Variants in NIN observed in about 807,000 individuals in gnomAD.
NIN encodes the protein glycogen synthase kinase 3 beta-interacting protein.
Under a neutral mutation model 257.6 loss-of-function variants are expected in NIN, and 137 were observed. That is an observed-to-expected ratio of 0.53 (90% CI 0.46 to 0.61). The LOEUF is 0.61. Ranked by LOEUF, NIN falls within the 20% of genes least tolerant of loss-of-function variation. NIN has a pLI of 0.00. For missense variants in NIN, 2,439 were observed against 2,501.2 expected (o/e 0.98, Z 0.53); for synonymous variants, 918 against 919.8 (o/e 1.00, Z 0.04).
chr14:50,724,536 T>C (rs1478726912), intron 30 of NIN, among the ~76,000 whole-genome samples: 1 of 152,146 alleles, frequency 6.6e-6, no homozygotes, highest in Non-Finnish European at 1.5e-5. Context: ...ATACAACTTT[T>C]TTTCCTCCCT....
chr14:50,757,793 C>T lies in NIN; in HGVS notation c.3237G>A (p.Lys1079=). Residue 1079 remains lysine (K), a synonymous_variant, in exon 18 of 31, where the codon AAG becomes AAA. Coordinates refer to ENST00000530997, the MANE Select transcript of NIN (RefSeq NM_020921.4). ...TTTCAGTAGCCATTTTCACATTTTCCTTCACTGCCTGTTCATGAGCTCTCT... is the reference window on the plus strand; with the variant it reads ...TTTCAGTAGCCATTTTCACATTTTCTTTCACTGCCTGTTCATGAGCTCTCT... ...SLQRAHEQAV[K]ENVKMATEIS... is the part of the protein sequence containing the mutation. 1 of 1,614,154 alleles carries T rather than the reference C, an allele frequency of 6.2e-7. No homozygotes were observed. The highest frequency in any genetic ancestry group is 8.5e-7 in the Non-Finnish European group (1 of 1,180,036).
At position 50,725,937 on chromosome 14, in the gene NIN, G is replaced by C. The variant is rs149392550; in HGVS notation, c.6192+16C>G. 2 of 1,614,004 alleles carry C rather than the reference G, an allele frequency of 1.2e-6. No individual in the cohort carries two copies. The highest frequency in any genetic ancestry group is 1.7e-6 in the Non-Finnish European group (2 of 1,179,918). ...GAATGTGAGGTGGGTGAACAGAGAT[G>C]ACCGGGTAGGCTCACTTGTTCTTTG... On this transcript the variant is annotated intron_variant, in intron 30 of 30. Transcript: ENST00000530997.
intron 3 of NIN, among the ~76,000 whole-genome samples, chr14:50,809,994 G>C (rs953099455): frequency 6.6e-6 from 1 of 152,152 alleles, no homozygotes; most frequent in Non-Finnish European, 1.5e-5. Context: ...CACTTTGGGA[G>C]GCCAAGGCGG....
intron 17 of NIN, 92 bp downstream of exon 17, chr14:50,759,765 A>T (rs1414226517): frequency 1.5e-6 from 2 of 1,361,790 alleles, no homozygotes; most frequent in Admixed American, 2.2e-5. Flanking sequence ...CTGGGATTAC[A>T]GGCGTGAGCC....
At chr14:50,751,103 TCTTG>T (rs1311846963) in intron 21 of NIN, among the ~76,000 whole-genome samples, 1 of 152,246 alleles carries the variant, frequency 6.6e-6, no homozygotes, top group African/African-American at 2.4e-5. Flanking sequence ...TCTTCCTTTT[TCTTG>T]AACAGCTGCA....
At position 50,766,924 on chromosome 14, in the gene NIN, G is replaced by C. The variant is rs1397951371; in HGVS notation, c.1435-34C>G. 4 of 1,444,996 alleles carry C rather than the reference G, an allele frequency of 2.8e-6. No individual in the cohort carries two copies. The African/African-American group carries it at 4.2e-5, about 15-fold the overall frequency. The allele number at this position is 1,444,996 out of a possible 1,614,324, so 89.5% of individuals were successfully genotyped here. ...GTATGGGGAAATTAAATGTGGTACA[G>C]ATTAAGAAATTAGCAAACTGTGGTA... On this transcript the variant is annotated intron_variant, in intron 12 of 30. Transcript: ENST00000530997.
intron 25 of NIN, among the ~76,000 whole-genome samples, chr14:50,741,268 C>CA (rs532535345): frequency 9.3e-4 from 141 of 151,472 alleles, no homozygotes; most frequent in South Asian, 3.5e-3. Flanking sequence ...TTGCTCAATA[C>CA]AAAAAAAAGA....
intron 14 of NIN, among the ~76,000 whole-genome samples, 187 bp from the exon 15 acceptor site, chr14:50,764,151 A>T (rs1566821770): frequency 6.6e-6 from 1 of 152,262 alleles, no homozygotes; most frequent in Non-Finnish European, 1.5e-5. Context: ...GAATATATAA[A>T]GACTATTATA....
intron 3 of NIN, among the ~76,000 whole-genome samples, chr14:50,814,812 T>C (rs1225217141): frequency 2.0e-5 from 3 of 152,214 alleles, no homozygotes; most frequent in African/African-American, 4.8e-5. Context: ...ATTTAACAAA[T>C]GGTGCTGGGA....
At position 50,757,585 on chromosome 14, in the gene NIN, C is replaced by A. The variant is rs915678955; in HGVS notation, c.3445G>T (p.Asp1149Tyr). ...TRRHVLSDLE[D>Y]DEVRDLGSTG... The stretch of plus-strand genomic sequence containing the variant: ...CTTCCCAGGTCCCGGACCTCATCAT[C>A]TTCCAGGTCACTTAGGACATGCCGC... Residue 1149 changes from aspartate (D) to tyrosine (Y), a missense_variant, in exon 18 of 31, where the codon GAT becomes TAT. Around this residue, in one of 3 missense-constraint regions of NIN, gnomAD observed 2,043 missense variants for 2,050.2 expected, o/e 1.00. Coordinates refer to ENST00000530997, the MANE Select transcript of NIN (RefSeq NM_020921.4). 13 of 1,614,204 alleles carry A rather than the reference C, an allele frequency of 8.1e-6. No individual in the cohort carries two copies. Among genetic ancestry groups the A allele is most frequent in the Non-Finnish European group, 1.1e-5 (13 of 1,180,048 alleles).
chr14:50,805,962 A>C (rs1214701917), intron 4 of NIN: 1 of 152,200 alleles, frequency 6.6e-6, no homozygotes, highest in Non-Finnish European at 1.5e-5. Context: ...CACAGTTTTT[A>C]GACTTTCCTT....
At chr14:50,759,248 G>C (rs1213974434) in intron 17 of NIN, among the ~76,000 whole-genome samples, 1 of 152,168 alleles carries the variant, frequency 6.6e-6, no homozygotes, top group Non-Finnish European at 1.5e-5. Flanking sequence ...CAACAGGATT[G>C]AACTAGGAAG....
chr14:50,778,828 G>A, intron 5 of NIN, 24 bp from the exon 6 acceptor site: 1 of 1,613,212 alleles, frequency 6.2e-7, no homozygotes, highest in Non-Finnish European at 8.5e-7. Context: ...GAGAAGATTA[G>A]TGTGCTTTAG....
intron 22 of NIN, among the ~76,000 whole-genome samples, chr14:50,747,389 A>C (rs1248479230): frequency 6.6e-6 from 1 of 152,206 alleles, no homozygotes; most frequent in Non-Finnish European, 1.5e-5. Context: ...GCTGGGTGAC[A>C]GAACAACAAT....
intron 5 of NIN, 75 bp downstream of exon 5, chr14:50,792,637 C>T (rs2043647900): frequency 3.9e-6 from 6 of 1,537,798 alleles, no homozygotes; most frequent in Non-Finnish European, 5.4e-6. Flanking sequence ...CCCCTCAGCT[C>T]CCCTGTCTCT....
intron 27 of NIN, among the ~76,000 whole-genome samples, chr14:50,737,541 A>G (rs1478061116): frequency 6.7e-6 from 1 of 149,110 alleles, no homozygotes; most frequent in African/African-American, 2.5e-5. Context: ...AGATGTTTCT[A>G]ATATTCGAGT....
intron 10 of NIN, 104 bp from the exon 11 acceptor site, chr14:50,771,096 G>T: frequency 7.1e-7 from 1 of 1,404,468 alleles, no homozygotes; most frequent in Non-Finnish European, 9.6e-7. Flanking sequence ...GCAAAACCAA[G>T]ACAACCAAAA....
At chr14:50,730,240 T>A (rs570176995) in intron 28 of NIN, among the ~76,000 whole-genome samples, 1 of 152,284 alleles carries the variant, frequency 6.6e-6, no homozygotes, top group South Asian at 2.1e-4. Context: ...AATATGTAAT[T>A]ATACCCTTAG....
chr14:50,803,916 A>G (rs1056490718), intron 4 of NIN, among the ~76,000 whole-genome samples: 2 of 103,310 alleles, frequency 1.9e-5, no homozygotes, highest in African/African-American at 6.7e-5. Flanking sequence ...TTTTTTTTTG[A>G]GATGGAGTCT....
Sources: gnomAD v4.1 joint callset for allele counts (sites outside exome capture counted in the v4.1 genomes callset) on GRCh38, gnomAD v4.1.1 for gene constraint, gnomAD v4.1.1 regional missense constraint, MANE v1.5 for transcripts, NCBI Gene and HGNC (gene_info 2026-07-23, HGNC 2026-07-21) for gene names.